Variants in MAP2 observed in about 807,000 individuals in gnomAD.
MAP2 encodes microtubule associated protein 2.
A neutral mutation model predicts 137.6 loss-of-function variants in MAP2; 14 were observed. The observed-to-expected ratio is 0.10, with a 90% CI of 0.07 to 0.16. MAP2 has a LOEUF of 0.16. MAP2 is among the 10% of genes least tolerant of loss of function. The probability of loss-of-function intolerance (pLI) is 1.00; values close to 1 mark genes in which losing one functional copy is unlikely to be tolerated. For missense variants in MAP2, 2,088 were observed against 2,191.5 expected, an observed-to-expected ratio of 0.95 and a Z score of 0.94; for synonymous variants, 786 against 782.3, an observed-to-expected ratio of 1.00 and a Z score of -0.08.
At chr2:209,428,883 A>G (rs1367047103) in intron 1 of MAP2, among the ~76,000 whole-genome samples, 3 of 151,956 alleles carry the variant, frequency 2.0e-5, no homozygotes, top group Non-Finnish European at 4.4e-5. Context: ...TGCTCGCCTC[A>G]ATGTGTCCTC....
chr2:209,709,822 G>T lies in MAP2; in HGVS notation c.4733-92G>T, dbSNP rs1023437602. On this transcript the variant is annotated intron_variant, in intron 12 of 15. Transcript: ENST00000682079. ...TTTCTAAATACCTTAGAAATTAAAC[G>T]TATTATGACTTCTAACAATCTATGG... is the stretch of plus-strand genomic sequence containing the variant. 3 of 865,592 alleles carry T rather than the reference G, an allele frequency of 3.5e-6. No individual in the cohort carries two copies. In the African/African-American group the frequency reaches 5.1e-5, roughly 15 times the overall value. The allele number at this position is 865,592 out of a possible 1,614,324, so 53.6% of individuals were successfully genotyped here.
chr2:209,590,696 C>T (rs886411070), intron 3 of MAP2, among the ~76,000 whole-genome samples: 4 of 152,118 alleles, frequency 2.6e-5, no homozygotes, highest in Non-Finnish European at 5.9e-5. Flanking sequence ...ATGTTTCAAG[C>T]GCTTGATAGC....
At chr2:209,535,293 C>T (rs1577382990) in intron 2 of MAP2, among the ~76,000 whole-genome samples, 1 of 152,164 alleles carries the variant, frequency 6.6e-6, no homozygotes, top group Admixed American at 6.6e-5. Context: ...TAAGGGTTCA[C>T]ACCCTTGATG....
chr2:209,528,425 T>G (rs570664485), intron 2 of MAP2, among the ~76,000 whole-genome samples: 1 of 152,328 alleles, frequency 6.6e-6, no homozygotes, highest in South Asian at 2.1e-4. Context: ...ACTTTAAAAT[T>G]TTTATGTACT....
At chr2:209,672,450 A>T (rs1274428758) in intron 5 of MAP2, among the ~76,000 whole-genome samples, 1 of 151,804 alleles carries the variant, frequency 6.6e-6, no homozygotes, top group Non-Finnish European at 1.5e-5. Flanking sequence ...TAAGCACTTG[A>T]TTTATATTAT....
At chr2:209,519,643 A>C (rs1039176601) in intron 2 of MAP2, among the ~76,000 whole-genome samples, 1 of 152,096 alleles carries the variant, frequency 6.6e-6, no homozygotes, top group African/African-American at 2.4e-5. Flanking sequence ...AAGAAAAGGG[A>C]GGGTAGAAAG....
At chr2:209,496,254 G>T (rs912679857) in intron 1 of MAP2, among the ~76,000 whole-genome samples, 5 of 152,110 alleles carry the variant, frequency 3.3e-5, no homozygotes, top group Non-Finnish European at 7.4e-5. Flanking sequence ...ACATAGATTT[G>T]CTGGGTCATT....
At chr2:209,679,828 C>G (rs2053765493) in intron 6 of MAP2, among the ~76,000 whole-genome samples, 1 of 151,956 alleles carries the variant, frequency 6.6e-6, no homozygotes. Context: ...TTTTTTAAAA[C>G]TTGAAATCTT....
At chr2:209,610,990 A>G (rs1009174927) in intron 3 of MAP2, among the ~76,000 whole-genome samples, 3 of 152,180 alleles carry the variant, frequency 2.0e-5, no homozygotes, top group East Asian at 1.9e-4. Flanking sequence ...AAATTCTACA[A>G]AGAGTCTATT....
intron 1 of MAP2, among the ~76,000 whole-genome samples, chr2:209,505,091 ACTTTCT>A (rs1466851195): frequency 6.6e-6 from 1 of 151,568 alleles, no homozygotes; most frequent in Non-Finnish European, 1.5e-5. Flanking sequence ...AATTTCTCAT[ACTTTCT>A]CTTTAAATTT....
intron 4 of MAP2, among the ~76,000 whole-genome samples, chr2:209,645,456 T>TA (rs147191850): frequency 0.14 from 21,336 of 149,914 alleles, 1,920 homozygotes; most frequent in African/African-American, 0.25. Context: ...AGAAATACTT[T>TA]AAAAAAAAAA....
At chr2:209,480,537 A>AGTTTGTTC (rs1553553099) in intron 1 of MAP2, among the ~76,000 whole-genome samples, 1 of 150,518 alleles carries the variant, frequency 6.6e-6, no homozygotes, top group Non-Finnish European at 1.5e-5. Flanking sequence ...GATGATCTAA[A>AGTTTGTTC]GTTTGTTTGT....
chr2:209,523,390 T>C (rs1409232442), intron 2 of MAP2, among the ~76,000 whole-genome samples: 1 of 152,162 alleles, frequency 6.6e-6, no homozygotes, highest in Non-Finnish European at 1.5e-5. Flanking sequence ...CCACATTCAC[T>C]CTTACTCTCA....
At chr2:209,682,508 G>A (rs188029140) in intron 7 of MAP2, among the ~76,000 whole-genome samples, 19 of 151,872 alleles carry the variant, frequency 1.3e-4, no homozygotes, top group African/African-American at 4.6e-4. Flanking sequence ...TAAATAAATA[G>A]TACACTATCT....
chr2:209,522,650 G>A (rs780775727), intron 2 of MAP2, among the ~76,000 whole-genome samples: 1 of 152,112 alleles, frequency 6.6e-6, no homozygotes, highest in Non-Finnish European at 1.5e-5. Context: ...CAGTTGTAAG[G>A]ACGTGGCCTA....
intron 11 of MAP2, among the ~76,000 whole-genome samples, chr2:209,700,791 A>G (rs554984156): frequency 6.6e-6 from 1 of 152,314 alleles, no homozygotes; most frequent in East Asian, 1.9e-4. Context: ...ATAAAGATAA[A>G]CACAGCTATC....
intron 5 of MAP2, among the ~76,000 whole-genome samples, chr2:209,674,621 A>AGATGGATGGATGGATGGATGGATG: frequency 6.6e-6 from 1 of 150,710 alleles, no homozygotes. Context: ...ATATATAGAT[A>AGATGGATGGATGGATGGATGGATG]GATGGATGGA....
chr2:209,673,512 A>G (rs1021785894), intron 5 of MAP2, among the ~76,000 whole-genome samples: 1 of 151,862 alleles, frequency 6.6e-6, no homozygotes, highest in Non-Finnish European at 1.5e-5. Context: ...AGAAAAACAT[A>G]TTGTATACAC....
intron 2 of MAP2, among the ~76,000 whole-genome samples, chr2:209,547,593 T>C (rs1049624482): frequency 3.9e-5 from 6 of 152,174 alleles, no homozygotes; most frequent in African/African-American, 1.4e-4. Context: ...TGGAGTCACA[T>C]CACAGGTTCA....
Sources: gnomAD v4.1 joint callset for allele counts (sites outside exome capture counted in the v4.1 genomes callset) on GRCh38, gnomAD v4.1.1 for gene constraint, MANE v1.5 for transcripts, NCBI Gene and HGNC (gene_info 2026-07-23, HGNC 2026-07-21) for gene names.